Variants in RP1 observed in about 807,000 individuals in gnomAD.
RP1 encodes the protein RP1 axonemal microtubule associated.
RP1 carries 16 observed loss-of-function variants against 14.8 expected under a neutral mutation model. The ratio of observed to expected loss-of-function variants is 1.08; its 90% CI spans 0.73 to 1.65. RP1 has a LOEUF of 1.65. Ranked by LOEUF, RP1 falls within the 40% of genes most tolerant of loss-of-function variation. RP1 has a pLI of 0.00. For missense variants in RP1, 2,631 were observed against 2,535.0 expected (o/e 1.04, Z -0.81); for synonymous variants, 876 against 883.6 (o/e 0.99, Z 0.15).
intron 13 of RP1, among the ~76,000 whole-genome samples, chr8:54,701,105 A>G (rs142326472): frequency 6.6e-6 from 1 of 152,314 alleles, no homozygotes; most frequent in East Asian, 1.9e-4. Context: ...TTTTGAAAGC[A>G]AAATTTAGGA....
intron 23 of RP1, chr8:54,780,850 G>T (rs1002791791): frequency 6.7e-5 from 59 of 881,356 alleles, no homozygotes; most frequent in Non-Finnish European, 7.8e-5. Flanking sequence ...GCTGAAGTTC[G>T]GAATTCTCTA....
chr8:54,635,074 T>TC (rs768327760), downstream of RP1, among the ~76,000 whole-genome samples: 5 of 147,240 alleles, frequency 3.4e-5, no homozygotes, highest in Non-Finnish European at 6.0e-5. Flanking sequence ...AGAGCGAGAC[T>TC]CCATCTCAAA....
chr8:54,862,612 C>T lies in RP1; in HGVS notation c.4070-3223C>T, dbSNP rs1440454106. Among the ~76,000 whole-genome samples the T allele has an allele frequency of 2.0e-5, 3 of 152,252 alleles. No individual in the cohort carries two copies. In the East Asian group the frequency reaches 5.8e-4, roughly 29 times the overall value. Reference sequence around the variant, plus strand: ...CCGCAAAGAGAGAGCCATTCCCAGCCAGCCATCAGGGACCAGGTCCTTCCA... The same window carrying T: ...CCGCAAAGAGAGAGCCATTCCCAGCTAGCCATCAGGGACCAGGTCCTTCCA... On this transcript the variant is annotated intron_variant, in intron 27 of 28. Coordinates refer to the RP1 transcript ENST00000637698.
chr8:54,775,138 GA>G (rs950856621), intron 23 of RP1, among the ~76,000 whole-genome samples: 20 of 152,188 alleles, frequency 1.3e-4, no homozygotes, highest in Admixed American at 1.0e-3. Context: ...CCACAGTTGA[GA>G]ACTGCTAACC....
At chr8:54,730,425 A>C (rs1808766378) in intron 17 of RP1, among the ~76,000 whole-genome samples, 1 of 151,968 alleles carries the variant, frequency 6.6e-6, no homozygotes, top group African/African-American at 2.4e-5. Flanking sequence ...ATTTCTCTTA[A>C]AGTGTGAATC....
intron 1 of RP1, among the ~76,000 whole-genome samples, chr8:54,603,968 A>C (rs918507998): frequency 2.6e-5 from 4 of 152,324 alleles, no homozygotes; most frequent in African/African-American, 9.6e-5. Flanking sequence ...TAGATATACG[A>C]TCATGTCATC....
chr8:54,819,607 G>C (rs764219542), intron 24 of RP1, among the ~76,000 whole-genome samples: 2 of 152,080 alleles, frequency 1.3e-5, no homozygotes, highest in Admixed American at 6.6e-5. Flanking sequence ...TATTTTTTAA[G>C]AGAAGGCTCT....
intron 1 of RP1, among the ~76,000 whole-genome samples, chr8:54,607,087 G>A (rs1805465791): frequency 6.6e-6 from 1 of 152,178 alleles, no homozygotes; most frequent in Admixed American, 6.5e-5. Flanking sequence ...TTGCTGGTGA[G>A]GAGCTGTGTT....
intron 1 of RP1, among the ~76,000 whole-genome samples, chr8:54,567,833 G>A (rs1000065518): frequency 4.6e-5 from 7 of 152,186 alleles, no homozygotes; most frequent in Admixed American, 2.0e-4. Context: ...TCTTGTTTAT[G>A]TGTGTGTTGT....
chr8:54,606,249 A>G (rs1805438715), intron 1 of RP1, among the ~76,000 whole-genome samples: 1 of 152,136 alleles, frequency 6.6e-6, no homozygotes, highest in South Asian at 2.1e-4. Context: ...TGGTGACAAA[A>G]TCTCTCAGCG....
At chr8:54,793,064 G>C (rs1442647489) in intron 24 of RP1, among the ~76,000 whole-genome samples, 1 of 151,776 alleles carries the variant, frequency 6.6e-6, no homozygotes, top group African/African-American at 2.4e-5. Flanking sequence ...ACTATTATGT[G>C]TCAACAAATT....
chr8:54,648,153 C>A (rs1297986629), intron 3 of RP1, among the ~76,000 whole-genome samples: 1 of 152,118 alleles, frequency 6.6e-6, no homozygotes, highest in Non-Finnish European at 1.5e-5. Flanking sequence ...TTCCTGAGGC[C>A]TTCTCAGCCA....
intron 25 of RP1, among the ~76,000 whole-genome samples, chr8:54,849,185 A>T (rs1042757922): frequency 1.3e-5 from 2 of 152,130 alleles, no homozygotes; most frequent in Non-Finnish European, 2.9e-5. Context: ...AACACCTGGA[A>T]CTCTGAAGGA....
In RP1 at chr8:54,629,378, G is replaced by A; in HGVS notation, c.5496G>A (p.Glu1832=). 2 of 1,614,106 alleles carry A rather than the reference G, an allele frequency of 1.2e-6. No homozygotes were observed. The highest frequency in any genetic ancestry group is 1.7e-6 in the Non-Finnish European group (2 of 1,179,990). Residue 1832 remains glutamate (E), a synonymous_variant, in exon 4 of 4, where the codon GAG becomes GAA. Transcript: ENST00000220676. ...GTAGTGACTCAGAACCTTTTCATGA[G>A]GACTTGCTGGATGTTCGCAATGAAA... ...PHGSDSEPFH[E]DLLDVRNETC...
rs367600337 is a variant in RP1, at chr8:54,621,390, G to T, written c.424G>T (p.Val142Leu). The change falls in exon 2 of 4, where the codon GTA (valine) becomes TTA (leucine). Residue 142 changes from valine (V) to leucine (L), a missense_variant. By Grantham distance (32) the Val-to-Leu change is conservative. Transcript: ENST00000220676. ...AISAHSPPHPVAVAAPGMPRP... is the reference protein window; with the variant it reads ...AISAHSPPHPLAVAAPGMPRP... ...TAGCGCGCACTCACCGCCCCACCCC[G>T]TAGCCGTCGCTGCTCCCGGCATGCC... is the stretch of plus-strand genomic sequence containing the variant. 157 of 1,612,240 alleles carry T rather than the reference G, an allele frequency of 9.7e-5. 3 individuals carry two copies. The South Asian group carries it at 1.4e-3, about 14-fold the overall frequency.
intron 19 of RP1, among the ~76,000 whole-genome samples, chr8:54,746,942 A>C (rs10105873): frequency 0.13 from 19,680 of 152,132 alleles, 1,452 homozygotes; most frequent in East Asian, 0.23. Flanking sequence ...AGATGGTGTC[A>C]GTGTCTACCT....
intron 3 of RP1, among the ~76,000 whole-genome samples, chr8:54,624,372 G>T (rs188789079): frequency 1.9e-4 from 28 of 147,796 alleles, no homozygotes; most frequent in African/African-American, 6.0e-4. Context: ...TTGAACCCTG[G>T]AGGTGGAGGT....
At chr8:54,584,195 G>A (rs1419550930) in intron 1 of RP1, among the ~76,000 whole-genome samples, 1 of 152,134 alleles carries the variant, frequency 6.6e-6, no homozygotes, top group East Asian at 1.9e-4. Context: ...ATTCTGGTAT[G>A]TTGTGTCTTT....
intron 1 of RP1, among the ~76,000 whole-genome samples, chr8:54,563,932 A>G (rs1472721335): frequency 2.6e-5 from 4 of 152,202 alleles, no homozygotes; most frequent in African/African-American, 9.7e-5. Context: ...AATAGCAACA[A>G]AGGACTAATC....
Sources: gnomAD v4.1 joint callset for allele counts (sites outside exome capture counted in the v4.1 genomes callset) on GRCh38, gnomAD v4.1.1 for gene constraint, MANE v1.5 for transcripts, NCBI Gene and HGNC (gene_info 2026-07-23, HGNC 2026-07-21) for gene names.